The following KIF26B variants were observed in gnomAD, a reference collection of about 807,000 sequenced individuals.
The protein encoded by KIF26B is kinesin family member 26B.
KIF26B carries 63 observed loss-of-function variants against 151.2 expected under a neutral mutation model. The observed-to-expected ratio is 0.42, with a 90% CI of 0.34 to 0.51. KIF26B has a LOEUF of 0.51. Ranked by LOEUF, KIF26B falls within the 20% of genes least tolerant of loss-of-function variation. The pLI is 0.07. For missense variants in KIF26B, 2,813 were observed against 2,913.6 expected (o/e 0.97, Z 0.79); for synonymous variants, 1,357 against 1,262.1 (o/e 1.08, Z -1.59).
At chr1:245,327,172 C>G (rs1251666219) in intron 2 of KIF26B, among the ~76,000 whole-genome samples, 1 of 152,190 alleles carries the variant, frequency 6.6e-6, no homozygotes, top group Non-Finnish European at 1.5e-5. Context: ...GGAAGGCACC[C>G]AGGCAGGTGA....
intron 4 of KIF26B, among the ~76,000 whole-genome samples, chr1:245,447,598 T>C (rs1185019416): frequency 6.6e-6 from 1 of 152,080 alleles, no homozygotes; most frequent in African/African-American, 2.4e-5. Flanking sequence ...ACTCTGGAGC[T>C]GGGCTCAGAC....
intron 2 of KIF26B, among the ~76,000 whole-genome samples, chr1:245,334,007 A>AG (rs1337565546): frequency 9.2e-5 from 14 of 152,152 alleles, no homozygotes; most frequent in Non-Finnish European, 1.8e-4. Context: ...TCAAAAAAAA[A>AG]AAAATCTCCT....
chr1:245,366,849 G>T lies in KIF26B; in HGVS notation c.481G>T (p.Ala161Ser), dbSNP rs749102668. Reference protein sequence around the residue: ...PFPGKDPAFSAVIHDKLQVPN... With the variant: ...PFPGKDPAFSSVIHDKLQVPN... ...TGTTCTGTAGGACCCTGCTTTCTCG[G>T]CTGTGATTCACGACAAACTCCAGGT... Residue 161 changes from alanine to serine, a missense_variant, in exon 3 of 15, where the codon GCT becomes TCT. Physicochemically the swap from Ala to Ser is moderately conservative, Grantham distance 99. Transcript: ENST00000407071. 1 of 1,613,878 alleles carries T rather than the reference G, an allele frequency of 6.2e-7. No homozygotes were observed. The highest frequency in any genetic ancestry group is 8.5e-7 in the Non-Finnish European group (1 of 1,179,818).
At chr1:245,652,913 G>A (rs938248133) in intron 10 of KIF26B, among the ~76,000 whole-genome samples, 2 of 152,182 alleles carry the variant, frequency 1.3e-5, no homozygotes, top group Non-Finnish European at 2.9e-5. Flanking sequence ...TCGGGGCTGG[G>A]TAGAAATTGG....
intron 10 of KIF26B, among the ~76,000 whole-genome samples, chr1:245,682,258 AG>A (rs1186314097): frequency 6.6e-6 from 1 of 152,230 alleles, no homozygotes; most frequent in East Asian, 1.9e-4. Flanking sequence ...AAAAAAAGAA[AG>A]AAAAAAAAAG....
At chr1:245,157,581 T>C (rs1668467967) in intron 2 of KIF26B, among the ~76,000 whole-genome samples, 1 of 152,236 alleles carries the variant, frequency 6.6e-6, no homozygotes, top group African/African-American at 2.4e-5. Flanking sequence ...CCAACCTGCG[T>C]ATGCAGATAC....
chr1:245,496,553 G>C (rs967649166), intron 4 of KIF26B, among the ~76,000 whole-genome samples: 1 of 152,038 alleles, frequency 6.6e-6, no homozygotes, highest in African/African-American at 2.4e-5. Flanking sequence ...AGAGCAACTA[G>C]TAAAATAATG....
At chr1:245,293,876 C>A (rs1421247049) in intron 2 of KIF26B, among the ~76,000 whole-genome samples, 1 of 152,146 alleles carries the variant, frequency 6.6e-6, no homozygotes, top group Non-Finnish European at 1.5e-5. Flanking sequence ...CTGCACCCAG[C>A]CGATTTCTTT....
chr1:245,208,614 T>C (rs559360080), intron 2 of KIF26B, among the ~76,000 whole-genome samples: 1 of 152,162 alleles, frequency 6.6e-6, no homozygotes, highest in African/African-American at 2.4e-5. Context: ...CGGATGTCGA[T>C]AGTGAGAAAA....
At chr1:245,648,552 T>C (rs1313329731) in intron 10 of KIF26B, among the ~76,000 whole-genome samples, 2 of 151,930 alleles carry the variant, frequency 1.3e-5, no homozygotes, top group African/African-American at 4.8e-5. Context: ...GAAGGGTGGC[T>C]TGAGTCCAGG....
chr1:245,577,905 G>A (rs2043141401), intron 5 of KIF26B, among the ~76,000 whole-genome samples: 1 of 150,068 alleles, frequency 6.7e-6, no homozygotes, highest in East Asian at 2.0e-4. Flanking sequence ...TCCGGGCGAT[G>A]CTTCCCCTAC....
intron 2 of KIF26B, among the ~76,000 whole-genome samples, chr1:245,223,640 C>T (rs1280349461): frequency 2.0e-5 from 3 of 152,292 alleles, no homozygotes; most frequent in Admixed American, 1.3e-4. Flanking sequence ...AACAGATGCA[C>T]GCTTTGTCTG....
intron 2 of KIF26B, among the ~76,000 whole-genome samples, chr1:245,335,493 G>T (rs1402717790): frequency 6.6e-6 from 1 of 152,140 alleles, no homozygotes; most frequent in Non-Finnish European, 1.5e-5. Context: ...CTGTGAGGGA[G>T]GAAGCTTGGG....
intron 3 of KIF26B, among the ~76,000 whole-genome samples, chr1:245,385,540 G>A (rs560356667): frequency 6.6e-6 from 1 of 152,296 alleles, no homozygotes; most frequent in Admixed American, 6.5e-5. Flanking sequence ...GTTATCACTG[G>A]GAGGGCAGCT....
intron 3 of KIF26B, among the ~76,000 whole-genome samples, chr1:245,381,695 A>G (rs1393544671): frequency 2.0e-5 from 3 of 151,982 alleles, no homozygotes; most frequent in African/African-American, 7.3e-5. Context: ...CATCTCCCCA[A>G]ACTGCAACTC....
chr1:245,561,959 C>G (rs554410475), intron 5 of KIF26B, among the ~76,000 whole-genome samples: 44 of 152,182 alleles, frequency 2.9e-4, no homozygotes, highest in Admixed American at 7.2e-4. Flanking sequence ...GCCTGATTTT[C>G]TTGCTGTGGA....
At chr1:245,432,634 G>A (rs573647590) in intron 4 of KIF26B, among the ~76,000 whole-genome samples, 7 of 152,216 alleles carry the variant, frequency 4.6e-5, no homozygotes, top group East Asian at 1.9e-4. Context: ...AGCTGTCTTC[G>A]TGAAGTATGT....
chr1:245,364,422 C>CTTTTTTTTT (rs763619030), intron 2 of KIF26B, among the ~76,000 whole-genome samples: 1 of 98,920 alleles, frequency 1.0e-5, no homozygotes, highest in African/African-American at 4.5e-5. Context: ...CTCTCTCTCT[C>CTTTTTTTTT]TTTTTTTTTT....
At position 245,358,196 on chromosome 1, in the gene KIF26B, T is replaced by C. The variant is rs1572021325; in HGVS notation, c.466-8638T>C. 6.6e-6 allele frequency among the ~76,000 whole-genome samples: 1 copy of C among 152,312 alleles called. No individual in the cohort carries two copies. The highest frequency in any genetic ancestry group is 3.4e-3 in the Middle Eastern group (1 of 294). ...TGGGGATTACAGGCGTGAGCCACCA[T>C]ACCCTGCCAAAATTTTACCTTTTAA... On this transcript the variant is annotated intron_variant, in intron 2 of 14. Coordinates refer to ENST00000407071, the MANE Select transcript of KIF26B (RefSeq NM_018012.4). This position sits in a 1 kb window ranked among gnomAD's most constrained non-coding sequence, Gnocchi z 4.1.
Sources: gnomAD v4.1 joint callset for allele counts (sites outside exome capture counted in the v4.1 genomes callset) on GRCh38, gnomAD v4.1.1 for gene constraint, Gnocchi (gnomAD v3.1) non-coding constraint, MANE v1.5 for transcripts, NCBI Gene and HGNC (gene_info 2026-07-23, HGNC 2026-07-21) for gene names.